Variants in DNAAF11 observed in about 807,000 individuals in gnomAD.
DNAAF11 encodes the protein leucine rich repeat containing 6.
Under a neutral mutation model 60.8 loss-of-function variants are expected in DNAAF11, and 45 were observed. That is an observed-to-expected ratio of 0.74 (90% confidence interval 0.58 to 0.95). The LOEUF is 0.95. DNAAF11 is among the 40% of genes least tolerant of loss of function. The probability of loss-of-function intolerance (pLI) is 0.00; values close to 1 mark genes in which losing one functional copy is unlikely to be tolerated. For synonymous variants in DNAAF11, 191 were observed against 183.5 expected, an observed-to-expected ratio of 1.04 and a Z score of -0.33; for missense variants, 546 against 546.2, an observed-to-expected ratio of 1.00 and a Z score of 0.00.
In DNAAF11 at chr8:132,611,308, T is replaced by C. The variant is rs1818642059; in HGVS notation, c.1030A>G (p.Met344Val). Residue 344 changes from methionine (M) to valine (V), a missense_variant, in exon 9 of 12, where the codon ATG (methionine) becomes GTG (valine). Coordinates refer to ENST00000620350, the MANE Select transcript of DNAAF11 (RefSeq NM_012472.6). ...VDVQPTYVRVMIKGKPFQLVL... is the reference protein window; with the variant it reads ...VDVQPTYVRVVIKGKPFQLVL... Reference sequence around the variant, plus strand: ...GTTCTACTTACCTTTCCTTTGATCATTACTCGCACGTAAGTTGGTTGCACA... The same window carrying C: ...GTTCTACTTACCTTTCCTTTGATCACTACTCGCACGTAAGTTGGTTGCACA... 2 of 1,610,706 alleles carry C rather than the reference T, an allele frequency of 1.2e-6. No homozygotes were observed. Among genetic ancestry groups the C allele is most frequent in the Admixed American group, 1.7e-5 (1 of 59,982 alleles).
chr8:132,642,453 C>T (rs1218933903), intron 3 of DNAAF11, among the ~76,000 whole-genome samples: 1 of 152,210 alleles, frequency 6.6e-6, no homozygotes, highest in Non-Finnish European at 1.5e-5. Context: ...ACTTGCCTGA[C>T]CAACAGACTG....
intron 1 of DNAAF11, among the ~76,000 whole-genome samples, chr8:132,673,328 G>C (rs1215307586): frequency 6.6e-6 from 1 of 152,176 alleles, no homozygotes; most frequent in Non-Finnish European, 1.5e-5. Context: ...TCAAACAAGA[G>C]AATGCAGGTA....
rs930904241 is a variant in DNAAF11, at chr8:132,570,954, A to G, written c.*1352T>C. ...TGCAAGTTCTGAATTGTCTACCTGT[A>G]CCAGTGCTTCTTCTTCCAATTCTCT... On this transcript the variant is annotated 3_prime_UTR_variant, in exon 12 of 12. Coordinates refer to ENST00000620350, the MANE Select transcript of DNAAF11 (RefSeq NM_012472.6). Among the ~76,000 whole-genome samples the G allele has an allele frequency of 1.3e-5, 2 of 152,206 alleles. No homozygotes were observed. Among genetic ancestry groups the G allele is most frequent in the Non-Finnish European group, 2.9e-5 (2 of 68,030 alleles).
intron 10 of DNAAF11, among the ~76,000 whole-genome samples, chr8:132,606,466 T>C (rs1818146103): frequency 6.6e-6 from 1 of 152,138 alleles, no homozygotes; most frequent in African/African-American, 2.4e-5. Flanking sequence ...AGTAAACAAA[T>C]AAAATATTAA....
At chr8:132,615,580 G>GA (rs1819066437) in intron 7 of DNAAF11, among the ~76,000 whole-genome samples, 1 of 152,008 alleles carries the variant, frequency 6.6e-6, no homozygotes. Flanking sequence ...CCATTGCCCT[G>GA]AAAAAGGCTG....
rs745371701 is a variant in DNAAF11, at chr8:132,632,722, A to C, written c.653+18T>G. 4 of 1,568,410 alleles carry C rather than the reference A, an allele frequency of 2.6e-6. No individual in the cohort carries two copies. The highest frequency in any genetic ancestry group is 3.5e-6 in the Non-Finnish European group (4 of 1,139,592). On this transcript the variant is annotated intron_variant, in intron 5 of 11. Coordinates refer to ENST00000620350, the MANE Select transcript of DNAAF11 (RefSeq NM_012472.6). ...TTTAACAAAAGTTAACTAGAAAGTA[A>C]ACTAATAATTTACATACAGAGTAGC...
At chr8:132,579,568 C>G (rs1815102327) in intron 11 of DNAAF11, among the ~76,000 whole-genome samples, 1 of 152,098 alleles carries the variant, frequency 6.6e-6, no homozygotes, top group Non-Finnish European at 1.5e-5. Context: ...TTAGCCAGCT[C>G]CCTCTTATCT....
intron 5 of DNAAF11, among the ~76,000 whole-genome samples, chr8:132,630,904 G>A (rs1820733134): frequency 6.6e-6 from 1 of 152,136 alleles, no homozygotes; most frequent in South Asian, 2.1e-4. Flanking sequence ...GGCAAAGACT[G>A]AAAACTCTTG....
At chr8:132,623,001 A>G (rs776387740) in intron 6 of DNAAF11, among the ~76,000 whole-genome samples, 2 of 152,162 alleles carry the variant, frequency 1.3e-5, no homozygotes, top group Admixed American at 1.3e-4. Flanking sequence ...TATTTAAGTA[A>G]GTCTATTTTA....
chr8:132,696,288 T>C, the DNAAF11 span, among the ~76,000 whole-genome samples: 5 of 152,148 alleles, frequency 3.3e-5, no homozygotes, highest in Non-Finnish European at 7.4e-5. Flanking sequence ...AAAAGATAGA[T>C]ATTATGAAGC....
intron 3 of DNAAF11, 134 bp downstream of exon 3, chr8:132,656,696 T>A (rs1304201021): frequency 2.2e-5 from 11 of 504,200 alleles, no homozygotes; most frequent in Non-Finnish European, 3.7e-5. Flanking sequence ...GGTCTCGAAC[T>A]CCTGACCTCA....
At chr8:132,672,831 C>T (rs1563723515) in intron 1 of DNAAF11, among the ~76,000 whole-genome samples, 1 of 152,114 alleles carries the variant, frequency 6.6e-6, no homozygotes, top group Non-Finnish European at 1.5e-5. Context: ...ATCCTAGGTT[C>T]GACGTCTCTC....
the DNAAF11 span, chr8:132,684,905 G>T: frequency 6.6e-6 from 1 of 152,220 alleles, no homozygotes; most frequent in African/African-American, 2.4e-5. Flanking sequence ...GAACCAAAGG[G>T]TGAAGGAAAT....
chr8:132,656,558 G>A (rs1453234152), intron 3 of DNAAF11, among the ~76,000 whole-genome samples: 4 of 152,112 alleles, frequency 2.6e-5, no homozygotes, highest in East Asian at 1.9e-4. Context: ...TGCAACCTCC[G>A]CCTCCTGGGT....
intron 6 of DNAAF11, 78 bp downstream of exon 6, chr8:132,625,194 G>T: frequency 9.0e-7 from 1 of 1,113,658 alleles, no homozygotes; most frequent in Non-Finnish European, 1.3e-6. Context: ...CACAAATAAT[G>T]GGTCAAAAAA....
At chr8:132,695,801 A>T in the DNAAF11 span, among the ~76,000 whole-genome samples, 6 of 152,206 alleles carry the variant, frequency 3.9e-5, no homozygotes, top group Admixed American at 3.9e-4. Context: ...TAGTTAGAGT[A>T]TTCGATTCAA....
the DNAAF11 span, among the ~76,000 whole-genome samples, chr8:132,698,841 G>A: frequency 6.6e-6 from 1 of 152,012 alleles, no homozygotes; most frequent in African/African-American, 2.4e-5. Flanking sequence ...CAGCACTTGG[G>A]AGGCCGAGGC....
chr8:132,572,609 G>A, intron 11 of DNAAF11, 129 bp from the exon 12 acceptor site: 1 of 574,056 alleles, frequency 1.7e-6, no homozygotes, highest in Admixed American at 3.3e-5. Context: ...AGAAATAAAA[G>A]GAGAGAATGT....
chr8:132,584,010 G>C (rs976224157), intron 10 of DNAAF11, among the ~76,000 whole-genome samples: 22 of 152,032 alleles, frequency 1.4e-4, no homozygotes, highest in Non-Finnish European at 2.8e-4. Context: ...ACTGCCAAAG[G>C]CCAAGCAGGA....
Sources: allele counts gnomAD v4.1 joint callset (sites outside exome capture counted in the v4.1 genomes callset), GRCh38; gene constraint gnomAD v4.1.1; transcripts MANE v1.5; gene names NCBI Gene and HGNC (gene_info 2026-07-23, HGNC 2026-07-21).